GRIA3: variants seen among roughly 807,000 people sequenced by gnomAD.
GRIA3 encodes the protein glutamate receptor 3.
In GRIA3, 3 loss-of-function variants were observed where a neutral mutation model predicts 63.0. The ratio of observed to expected loss-of-function variants is 0.05; its 90% CI spans 0.02 to 0.12. GRIA3 has a LOEUF of 0.12. GRIA3 is among the 10% of genes least tolerant of loss of function. The pLI is 1.00. For missense variants in GRIA3, 347 were observed against 700.9 expected, an observed-to-expected ratio of 0.50 and a Z score of 5.70; for synonymous variants, 274 against 257.9, an observed-to-expected ratio of 1.06 and a Z score of -0.60.
chrX:123,318,895 AC>A (rs1240021578), intron 3 of GRIA3, among the ~76,000 whole-genome samples: 1 of 112,063 alleles, frequency 8.9e-6, no homozygotes. Context: ...GAAAGTGGGA[AC>A]AAAAAGACGT....
chrX:123,453,470 A>G (rs749232723), intron 12 of GRIA3, among the ~76,000 whole-genome samples: 19 of 111,416 alleles, frequency 1.7e-4, no homozygotes, highest in African/African-American at 6.2e-4. Flanking sequence ...CAGCACACCA[A>G]CATGGCACAT....
chrX:123,363,852 G>C (rs1373970152), intron 5 of GRIA3, among the ~76,000 whole-genome samples: 1 of 112,297 alleles, frequency 8.9e-6, no homozygotes, highest in Non-Finnish European at 1.9e-5. Flanking sequence ...TATCACCATT[G>C]TTACACAGAA....
Position 123,185,967 on chromosome X carries a change from A to G in GRIA3, c.245A>G (p.Asn82Ser), listed in dbSNP as rs768877319. Residue 82 changes from asparagine (N) to serine (S), a missense_variant, in exon 2 of 16, where the codon AAT becomes AGT. This residue lies in a region of GRIA3 where 29 missense variants were observed against 69.4 expected (regional missense o/e 0.42). Transcript: ENST00000620443. ...NYHVDHLDSS[N>S]SFSVTNAFCS... ...CACGTAGATCACTTGGATTCCTCCA[A>G]TAGTTTTTCCGTGACAAATGCTTGT... The G allele has an allele frequency of 8.3e-7, 1 of 1,207,819 alleles. No homozygotes were observed. The highest frequency in any genetic ancestry group is 2.2e-5 in the Admixed American group (1 of 45,925).
chrX:123,208,419 G>C (rs901602361), intron 2 of GRIA3, among the ~76,000 whole-genome samples: 7 of 111,604 alleles, frequency 6.3e-5, no homozygotes, highest in African/African-American at 2.3e-4. Flanking sequence ...TCTGATTTTA[G>C]CCACCTCCCC....
intron 3 of GRIA3, among the ~76,000 whole-genome samples, chrX:123,260,515 AGAAAGAAAGAAAG>A (rs1238734442): frequency 5.4e-4 from 35 of 65,287 alleles, no homozygotes; most frequent in Non-Finnish European, 7.6e-4. Context: ...AAAGAAAGAA[AGAAAGAAAGAAAG>A]GAAAGAAAGA....
intron 2 of GRIA3, among the ~76,000 whole-genome samples, chrX:123,187,417 T>C (rs187234910): frequency 2.7e-5 from 3 of 112,447 alleles, no homozygotes; most frequent in Non-Finnish European, 3.8e-5. Context: ...AATAGGAATT[T>C]ATTAATTCCA....
intron 7 of GRIA3, among the ~76,000 whole-genome samples, chrX:123,401,976 T>A (rs1381045278): frequency 2.7e-5 from 3 of 111,723 alleles, no homozygotes; most frequent in African/African-American, 9.8e-5. Flanking sequence ...AAAGAATCTA[T>A]CTACCCTGAA....
intron 2 of GRIA3, among the ~76,000 whole-genome samples, chrX:123,194,656 C>G (rs979216790): frequency 9.0e-6 from 1 of 111,646 alleles, no homozygotes; most frequent in Non-Finnish European, 1.9e-5. Flanking sequence ...TGGGTCATAC[C>G]CTAGATGTAT....
At chrX:123,367,440 G>T (rs4825858) in intron 5 of GRIA3, among the ~76,000 whole-genome samples, 39,767 of 106,049 alleles carry the variant, frequency 0.37, 6,098 homozygotes, top group Middle Eastern at 0.54. Flanking sequence ...TTTGTTTTTT[G>T]TTTTTTGTTT....
chrX:123,301,834 G>C (rs1303005784), intron 3 of GRIA3, among the ~76,000 whole-genome samples: 1 of 111,353 alleles, frequency 9.0e-6, no homozygotes, highest in African/African-American at 3.3e-5. Context: ...GTGGAAGCTG[G>C]GCCCACACAA....
At chrX:123,476,579 G>C (rs1393509169) in intron 13 of GRIA3, among the ~76,000 whole-genome samples, 4 of 112,042 alleles carry the variant, frequency 3.6e-5, no homozygotes, top group African/African-American at 9.7e-5. Flanking sequence ...TTGTAACCTT[G>C]TTAAGTGGTA....
intron 5 of GRIA3, among the ~76,000 whole-genome samples, chrX:123,375,939 A>G (rs1271190062): frequency 8.9e-6 from 1 of 112,528 alleles, no homozygotes; most frequent in Non-Finnish European, 1.9e-5. Flanking sequence ...TGAGTCTTCA[A>G]GTGGTCATCT....
intron 5 of GRIA3, among the ~76,000 whole-genome samples, chrX:123,393,136 C>T (rs1480459597): frequency 1.8e-5 from 2 of 112,510 alleles, no homozygotes; most frequent in Non-Finnish European, 3.8e-5. Flanking sequence ...GTGATGTAAA[C>T]TATTTGACTC....
intron 11 of GRIA3, among the ~76,000 whole-genome samples, chrX:123,420,295 A>G (rs1316394121): frequency 8.9e-6 from 1 of 112,023 alleles, no homozygotes; most frequent in Non-Finnish European, 1.9e-5. Flanking sequence ...ACTAATTGGT[A>G]ACCATATTCA....
chrX:123,275,351 T>C (rs780424908), intron 3 of GRIA3, among the ~76,000 whole-genome samples: 1 of 111,920 alleles, frequency 8.9e-6, no homozygotes, highest in Non-Finnish European at 1.9e-5. Context: ...AACTATTGAA[T>C]GATGAAGCAG....
chrX:123,367,230 T>C (rs1227665230), intron 5 of GRIA3, among the ~76,000 whole-genome samples: 1 of 111,518 alleles, frequency 9.0e-6, no homozygotes, highest in East Asian at 2.8e-4. Context: ...GGAACCATTG[T>C]TTCTCGCAAA....
intron 3 of GRIA3, among the ~76,000 whole-genome samples, chrX:123,305,813 T>C (rs760393625): frequency 1.2e-4 from 14 of 112,324 alleles, no homozygotes; most frequent in Non-Finnish European, 2.6e-4. Context: ...TTTAAGCATA[T>C]TCACTATTTG....
intron 11 of GRIA3, among the ~76,000 whole-genome samples, chrX:123,423,457 T>G (rs995190296): frequency 6.2e-5 from 7 of 112,394 alleles, no homozygotes; most frequent in African/African-American, 1.9e-4. Context: ...CAAATTCACT[T>G]CAAAGTAGTA....
intron 3 of GRIA3, among the ~76,000 whole-genome samples, chrX:123,271,706 C>T (rs779556812): frequency 1.3e-4 from 14 of 111,792 alleles, no homozygotes; most frequent in Non-Finnish European, 2.1e-4. Flanking sequence ...TTCCTTTAGT[C>T]GTCACAAAAA....
Sources: allele counts gnomAD v4.1 joint callset (sites outside exome capture counted in the v4.1 genomes callset), GRCh38; gene constraint gnomAD v4.1.1; regional missense constraint gnomAD v4.1.1; transcripts MANE v1.5; gene names NCBI Gene and HGNC (gene_info 2026-07-23, HGNC 2026-07-21).